Variants in TP63 observed in about 807,000 individuals in gnomAD.
TP63 encodes the protein tumor protein p63.
In TP63, 17 loss-of-function variants were observed where a neutral mutation model predicts 82.8. That is an observed-to-expected ratio of 0.21 (90% confidence interval 0.14 to 0.31). The LOEUF (loss-of-function observed/expected upper bound fraction) is 0.31. Ranked by LOEUF, TP63 falls within the 10% of genes least tolerant of loss-of-function variation. The probability of loss-of-function intolerance (pLI) is 1.00; values close to 1 mark genes in which losing one functional copy is unlikely to be tolerated. For missense variants in TP63, 648 were observed against 895.3 expected (o/e 0.72, Z 3.52); for synonymous variants, 330 against 321.7 (o/e 1.03, Z -0.28).
the TP63 span, among the ~76,000 whole-genome samples, chr3:189,608,304 G>A: frequency 1.3e-5 from 2 of 152,062 alleles, no homozygotes; most frequent in Non-Finnish European, 2.9e-5. Flanking sequence ...ATTGGATAAT[G>A]TCTGTGTAAA....
chr3:189,857,133 G>T (rs1716392629), intron 4 of TP63, among the ~76,000 whole-genome samples: 1 of 152,060 alleles, frequency 6.6e-6, no homozygotes, highest in South Asian at 2.1e-4. Flanking sequence ...TTACTATAAA[G>T]TAGATTAACC....
chr3:189,893,001 AT>A (rs1319654816), intron 13 of TP63, among the ~76,000 whole-genome samples: 4 of 152,018 alleles, frequency 2.6e-5, no homozygotes, highest in Non-Finnish European at 5.9e-5. Context: ...CTTCCTGCGT[AT>A]TTCTAGAAAG....
At chr3:189,746,709 A>G (rs1484085531) in intron 3 of TP63, among the ~76,000 whole-genome samples, 2 of 151,722 alleles carry the variant, frequency 1.3e-5, no homozygotes, top group African/African-American at 2.4e-5. Flanking sequence ...ACAACCTTCA[A>G]TCTAAATGGA....
At chr3:189,760,256 G>A (rs932561573) in intron 3 of TP63, among the ~76,000 whole-genome samples, 1 of 152,134 alleles carries the variant, frequency 6.6e-6, no homozygotes, top group South Asian at 2.1e-4. Context: ...TAACTCAGAA[G>A]TCCCCAGTCT....
At chr3:189,718,497 G>A (rs983457031) in intron 1 of TP63, among the ~76,000 whole-genome samples, 2 of 149,398 alleles carry the variant, frequency 1.3e-5, no homozygotes, top group African/African-American at 4.9e-5. Flanking sequence ...GTCACTCACT[G>A]TCATGAGAAT....
In TP63 at chr3:189,884,762, C is replaced by G. The variant is rs1241741220; in HGVS notation, c.1350-1632C>G. 8.5e-5 allele frequency among the ~76,000 whole-genome samples: 13 copies of G among 152,238 alleles called. No homozygotes were observed. In the East Asian group the frequency reaches 2.5e-3, roughly 29 times the overall value. ...TAAAGGCAGTGATTGTAAAATACAC[C>G]TGAATTGTTAATTTACATTAATTGA... is the stretch of plus-strand genomic sequence containing the variant. On this transcript the variant is annotated intron_variant, in intron 10 of 13. Coordinates refer to ENST00000264731, the MANE Select transcript of TP63 (RefSeq NM_003722.5).
In TP63 at chr3:189,867,921, T is replaced by C; in HGVS notation, c.971T>C (p.Ile324Thr). 6.2e-7 allele frequency: 1 copy of C among 1,614,000 alleles called. No individual in the cohort carries two copies. Among genetic ancestry groups the C allele is most frequent in the Non-Finnish European group, 8.5e-7 (1 of 1,179,940 alleles). ...ATGAACCGCCGTCCAATTTTAATCA[T>C]TGTTACTCTGGAAACCAGAGAGTAA... is the stretch of plus-strand genomic sequence containing the variant. ...GGMNRRPILIIVTLETRDGQV... is the reference protein window; with the variant it reads ...GGMNRRPILITVTLETRDGQV... Residue 324 changes from isoleucine (I) to threonine (T), a missense_variant, in exon 7 of 14, where the codon ATT (isoleucine) becomes ACT (threonine). Ile to Thr is a moderately conservative substitution (Grantham distance 89). Transcript: ENST00000264731.
chr3:189,669,389 C>A (rs756527377), intron 1 of TP63, among the ~76,000 whole-genome samples: 6 of 151,240 alleles, frequency 4.0e-5, no homozygotes, highest in Non-Finnish European at 7.4e-5. Flanking sequence ...AAATAATTTT[C>A]TTCAAGCTAA....
chr3:189,862,492 C>T (rs917187440), intron 4 of TP63, among the ~76,000 whole-genome samples: 1 of 152,270 alleles, frequency 6.6e-6, no homozygotes, highest in African/African-American at 2.4e-5. Flanking sequence ...AACTTCTACG[C>T]TGAACACTTA....
At chr3:189,881,540 T>C in intron 10 of TP63, 1 of 984,166 alleles carries the variant, frequency 1.0e-6, no homozygotes, top group Non-Finnish European at 1.2e-6. Context: ...TTTTTTCCAC[T>C]AAATACTAGA....
chr3:189,761,912 T>C (rs758643579), intron 3 of TP63, among the ~76,000 whole-genome samples: 2 of 152,136 alleles, frequency 1.3e-5, no homozygotes, highest in African/African-American at 2.4e-5. Flanking sequence ...ACCCCCGTTT[T>C]TAAAACCATC....
intron 1 of TP63, among the ~76,000 whole-genome samples, chr3:189,737,356 CTATTATAAAA>C: frequency 6.6e-6 from 1 of 152,150 alleles, no homozygotes; most frequent in East Asian, 1.9e-4. Context: ...TCAGTTGAGA[CTATTATAAAA>C]TGGGTTTAAT....
intron 11 of TP63, among the ~76,000 whole-genome samples, chr3:189,888,486 G>A (rs1245395271): frequency 6.6e-6 from 1 of 152,088 alleles, no homozygotes; most frequent in Non-Finnish European, 1.5e-5. Context: ...TATTTCAGAA[G>A]GGAAACAGAT....
At chr3:189,869,256 G>C (rs2108808710) in intron 8 of TP63, 68 bp from the exon 9 acceptor site, 1 of 1,112,412 alleles carries the variant, frequency 9.0e-7, no homozygotes, top group Non-Finnish European at 1.4e-6. Flanking sequence ...TAATTATTAA[G>C]TATATTTAAT....
chr3:189,875,613 T>TATATATATATATACACAC lies in TP63; in HGVS notation c.1349+2631_1349+2632insCACACATATATATATATA, dbSNP rs1553859701. Among the ~76,000 whole-genome samples, 288 of 105,482 alleles carry TATATATATATATACACAC rather than the reference T, an allele frequency of 2.7e-3. 10 individuals carry two copies. The highest frequency in any genetic ancestry group is 4.4e-3 in the Non-Finnish European group (227 of 52,050). The allele number at this position is 105,482 out of a possible 152,430, so 69.2% of individuals were successfully genotyped here. A position where few individuals can be genotyped will look rare whatever the true frequency, so the allele number is the denominator to read the frequency against. The stretch of plus-strand genomic sequence containing the variant: ...ACATACATATATATATATATATATA[T>TATATATATATATACACAC]ATATATATATATATATATATATATA... On this transcript the variant is annotated intron_variant, in intron 10 of 13. Transcript: ENST00000264731.
At chr3:189,702,104 G>A (rs1312854594) in intron 1 of TP63, among the ~76,000 whole-genome samples, 1 of 152,168 alleles carries the variant, frequency 6.6e-6, no homozygotes, top group Non-Finnish European at 1.5e-5. Context: ...ACCAGAGTCT[G>A]GGTCCTGCTG....
intron 4 of TP63, among the ~76,000 whole-genome samples, chr3:189,858,604 A>G (rs899151150): frequency 6.6e-6 from 1 of 152,202 alleles, no homozygotes. Context: ...GTGAGACCCC[A>G]TCTCTACAAA....
intron 4 of TP63, among the ~76,000 whole-genome samples, chr3:189,850,722 TATA>T (rs1465475584): frequency 2.6e-5 from 4 of 151,966 alleles, no homozygotes; most frequent in Non-Finnish European, 5.9e-5. Flanking sequence ...AAACTTAAAG[TATA>T]ATAATAATAA....
At chr3:189,806,760 G>A (rs1726958150) in intron 3 of TP63, among the ~76,000 whole-genome samples, 1 of 152,154 alleles carries the variant, frequency 6.6e-6, no homozygotes, top group African/African-American at 2.4e-5. Flanking sequence ...ATGGGGACAT[G>A]GCATTCGGCA....
Sources: allele counts gnomAD v4.1 joint callset (sites outside exome capture counted in the v4.1 genomes callset), GRCh38; gene constraint gnomAD v4.1.1; transcripts MANE v1.5; gene names NCBI Gene and HGNC (gene_info 2026-07-23, HGNC 2026-07-21).